Variants in CACNA2D1 observed in about 807,000 individuals in gnomAD.
CACNA2D1 encodes the protein voltage-dependent calcium channel subunit alpha-2/delta-1.
A neutral mutation model predicts 171.5 loss-of-function variants in CACNA2D1; 53 were observed. The ratio of observed to expected loss-of-function variants is 0.31; its 90% CI spans 0.25 to 0.39. CACNA2D1 has a LOEUF of 0.39. CACNA2D1 is among the 10% of genes least tolerant of loss of function. The pLI, the probability that CACNA2D1 is intolerant of heterozygous loss-of-function variation, is 1.00. For synonymous variants in CACNA2D1, 442 were observed against 443.1 expected (o/e 1.00, Z 0.03); for missense variants, 903 against 1,299.8 (o/e 0.69, Z 4.69).
chr7:82,348,317 A>G (rs187930081), intron 2 of CACNA2D1, among the ~76,000 whole-genome samples: 1 of 152,312 alleles, frequency 6.6e-6, no homozygotes, highest in African/African-American at 2.4e-5. Context: ...GAATCATTGC[A>G]GATCCCAAGC....
chr7:82,087,684 T>G (rs1055230696), intron 6 of CACNA2D1, among the ~76,000 whole-genome samples: 1 of 152,118 alleles, frequency 6.6e-6, no homozygotes, highest in Non-Finnish European at 1.5e-5. Context: ...TGCATTATAT[T>G]TGACTAATAA....
At chr7:81,959,396 T>C in intron 37 of CACNA2D1, 39 bp from the exon 38 acceptor site, 1 of 1,342,578 alleles carries the variant, frequency 7.4e-7, no homozygotes, top group Non-Finnish European at 1.1e-6. Flanking sequence ...GTTAGTTTTT[T>C]TCACATGATT....
In CACNA2D1 at chr7:82,060,461, G is replaced by C. The variant is rs1230287844; in HGVS notation, c.846C>G (p.Thr282=). 1 of 1,608,594 alleles carries C rather than the reference G, an allele frequency of 6.2e-7. No individual in the cohort carries two copies. The highest frequency in any genetic ancestry group is 8.5e-7 in the Non-Finnish European group (1 of 1,177,518). Residue 282 remains threonine, a synonymous_variant, in exon 10 of 39, where the codon ACC becomes ACG. Transcript: ENST00000356860. ...CATTCACGAAATCATCATCTGAGAG[G>C]GTTTCTAACATTTCGGAGACAGATG... The part of the protein sequence containing the change: ...IRTSVSEMLE[T]LSDDDFVNVA...
chr7:82,187,909 T>C (rs1251572802), intron 3 of CACNA2D1, among the ~76,000 whole-genome samples: 1 of 152,180 alleles, frequency 6.6e-6, no homozygotes, highest in Non-Finnish European at 1.5e-5. Context: ...TAGGCATACA[T>C]ATGTATGATA....
chr7:82,036,040 AC>A (rs1803254254), intron 11 of CACNA2D1, among the ~76,000 whole-genome samples: 1 of 152,142 alleles, frequency 6.6e-6, no homozygotes, highest in Admixed American at 6.5e-5. Flanking sequence ...CATATCTGAA[AC>A]TGAGCTATTT....
At chr7:82,324,113 T>C (rs888117059) in intron 3 of CACNA2D1, among the ~76,000 whole-genome samples, 3 of 152,114 alleles carry the variant, frequency 2.0e-5, no homozygotes, top group Admixed American at 2.0e-4. Flanking sequence ...TCCCCGCACT[T>C]TGGGAGGCTG....
At chr7:82,248,404 G>A (rs1333722968) in intron 3 of CACNA2D1, among the ~76,000 whole-genome samples, 1 of 151,980 alleles carries the variant, frequency 6.6e-6, no homozygotes, top group Non-Finnish European at 1.5e-5. Flanking sequence ...CTACACCCAG[G>A]GGTGACCCCA....
At chr7:82,054,538 C>T (rs911832870) in intron 10 of CACNA2D1, among the ~76,000 whole-genome samples, 1 of 152,218 alleles carries the variant, frequency 6.6e-6, no homozygotes, top group Non-Finnish European at 1.5e-5. Flanking sequence ...AATTCTCTGC[C>T]TTGTTTTAAT....
chr7:82,221,382 A>T (rs946352550), intron 3 of CACNA2D1, among the ~76,000 whole-genome samples: 1 of 152,200 alleles, frequency 6.6e-6, no homozygotes, highest in East Asian at 1.9e-4. Context: ...TATTACACAT[A>T]AGACTCACTC....
At chr7:82,049,864 T>A (rs1389369371) in intron 10 of CACNA2D1, among the ~76,000 whole-genome samples, 1 of 152,236 alleles carries the variant, frequency 6.6e-6, no homozygotes, top group Non-Finnish European at 1.5e-5. Context: ...CAAGAAATTA[T>A]TCTCTTAGAT....
intron 3 of CACNA2D1, among the ~76,000 whole-genome samples, chr7:82,171,828 A>G (rs1484811380): frequency 6.6e-6 from 1 of 152,124 alleles, no homozygotes; most frequent in Non-Finnish European, 1.5e-5. Flanking sequence ...GGTTAGGTTT[A>G]AAAAATTACA....
intron 1 of CACNA2D1, among the ~76,000 whole-genome samples, chr7:82,350,147 A>G (rs1280358383): frequency 1.3e-5 from 2 of 152,380 alleles, no homozygotes; most frequent in East Asian, 3.9e-4. Flanking sequence ...TATGTTATAT[A>G]AAATGCATAT....
At chr7:82,014,626 A>G (rs1318346718) in intron 12 of CACNA2D1, 147 bp from the exon 13 acceptor site, 2 of 645,698 alleles carry the variant, frequency 3.1e-6, no homozygotes, top group South Asian at 1.8e-5. Flanking sequence ...GCCTTCAGAA[A>G]GAGACCAGAG....
At chr7:82,189,790 T>C (rs1250817590) in intron 3 of CACNA2D1, among the ~76,000 whole-genome samples, 5 of 151,846 alleles carry the variant, frequency 3.3e-5, no homozygotes, top group African/African-American at 9.7e-5. Context: ...CTTTCATTCA[T>C]TGTCACTGAC....
chr7:82,149,836 A>G (rs1269282108), intron 4 of CACNA2D1, among the ~76,000 whole-genome samples: 3 of 151,058 alleles, frequency 2.0e-5, no homozygotes, highest in African/African-American at 7.3e-5. Context: ...AGGCGCCTGT[A>G]GTCCCAGCTA....
intron 3 of CACNA2D1, among the ~76,000 whole-genome samples, chr7:82,175,021 T>A (rs1585005009): frequency 6.6e-6 from 1 of 152,180 alleles, no homozygotes; most frequent in South Asian, 2.1e-4. Flanking sequence ...TATAAAGATA[T>A]AATTCTACTA....
At chr7:81,967,566 T>C (rs1378121982) in intron 30 of CACNA2D1, 30 bp downstream of exon 30, 5 of 1,178,736 alleles carry the variant, frequency 4.2e-6, no homozygotes, top group Non-Finnish European at 5.0e-6. Context: ...ACATTAAACA[T>C]AGCATAAGAA....
At chr7:82,234,538 T>C (rs923384089) in intron 3 of CACNA2D1, among the ~76,000 whole-genome samples, 1 of 152,022 alleles carries the variant, frequency 6.6e-6, no homozygotes, top group Non-Finnish European at 1.5e-5. Context: ...CTGTAACAAT[T>C]TTATGATTTT....
intron 38 of CACNA2D1, 97 bp downstream of exon 38, chr7:81,959,178 T>TAG: frequency 1.2e-6 from 1 of 842,340 alleles, no homozygotes; most frequent in Non-Finnish European, 2.1e-6. Context: ...GGTTAAGACA[T>TAG]TACGTTTGAG....
Sources: gnomAD v4.1 joint callset for allele counts (sites outside exome capture counted in the v4.1 genomes callset) on GRCh38, gnomAD v4.1.1 for gene constraint, MANE v1.5 for transcripts, NCBI Gene and HGNC (gene_info 2026-07-23, HGNC 2026-07-21) for gene names.